Variants in HMBOX1 observed in about 807,000 individuals in gnomAD.
HMBOX1 encodes the protein homeobox containing 1, also known as homeobox-containing protein 1.
HMBOX1 carries 14 observed loss-of-function variants against 54.5 expected under a neutral mutation model. The ratio of observed to expected loss-of-function variants is 0.26; its 90% CI spans 0.17 to 0.40. The LOEUF is 0.40. Among genes scored for constraint, HMBOX1 ranks in the 10% least tolerant of loss-of-function variants. HMBOX1 has a pLI of 1.00. For missense variants in HMBOX1, 332 were observed against 514.4 expected, an observed-to-expected ratio of 0.65 and a Z score of 3.43; for synonymous variants, 160 against 181.0, an observed-to-expected ratio of 0.88 and a Z score of 0.93.
chr8:29,000,623 G>C (rs1388641885), intron 4 of HMBOX1, among the ~76,000 whole-genome samples: 2 of 152,246 alleles, frequency 1.3e-5, no homozygotes, highest in Admixed American at 1.3e-4. Flanking sequence ...TTCACACTGA[G>C]TGAGATCTTG....
intron 1 of HMBOX1, among the ~76,000 whole-genome samples, chr8:28,948,513 C>A (rs972153283): frequency 1.3e-5 from 2 of 152,166 alleles, no homozygotes; most frequent in South Asian, 2.1e-4. Context: ...TACAGGAAAT[C>A]CTTGTCTATG....
intron 2 of HMBOX1, among the ~76,000 whole-genome samples, chr8:28,964,125 C>T (rs1826062613): frequency 6.6e-6 from 1 of 151,986 alleles, no homozygotes; most frequent in South Asian, 2.1e-4. Context: ...CTGTTTTCAA[C>T]TTTGAATTTT....
At chr8:28,983,424 A>G (rs1464237316) in intron 4 of HMBOX1, among the ~76,000 whole-genome samples, 1 of 152,134 alleles carries the variant, frequency 6.6e-6, no homozygotes, top group Non-Finnish European at 1.5e-5. Flanking sequence ...TCTCAGCCTT[A>G]TGAATTTCTG....
At chr8:28,923,113 G>C (rs546062448) in intron 1 of HMBOX1, among the ~76,000 whole-genome samples, 2 of 152,212 alleles carry the variant, frequency 1.3e-5, no homozygotes, top group South Asian at 4.1e-4. Context: ...CCACTGTCTG[G>C]TTCAGAAGTT....
At chr8:28,936,059 T>A (rs944978128) in intron 1 of HMBOX1, among the ~76,000 whole-genome samples, 2 of 152,140 alleles carry the variant, frequency 1.3e-5, no homozygotes, top group African/African-American at 2.4e-5. Flanking sequence ...ATCATCACCA[T>A]TGTTATTATA....
At chr8:28,899,150 A>G (rs1812724590) in intron 1 of HMBOX1, among the ~76,000 whole-genome samples, 2 of 152,230 alleles carry the variant, frequency 1.3e-5, no homozygotes, top group South Asian at 2.1e-4. Context: ...AAGTAGGACT[A>G]TAAGAACTAG....
intron 4 of HMBOX1, among the ~76,000 whole-genome samples, chr8:28,985,165 CAACTG>C (rs1247050856): frequency 6.6e-6 from 1 of 152,164 alleles, no homozygotes; most frequent in Non-Finnish European, 1.5e-5. Context: ...GGCTTATAAA[CAACTG>C]AAATTTATTT....
chr8:28,945,784 G>A (rs1193504292), intron 1 of HMBOX1, among the ~76,000 whole-genome samples: 1 of 151,374 alleles, frequency 6.6e-6, no homozygotes, highest in African/African-American at 2.4e-5. Flanking sequence ...ATTATTCTCT[G>A]CCTTTCATGG....
chr8:28,994,258 A>G (rs1447497952), intron 4 of HMBOX1, among the ~76,000 whole-genome samples: 1 of 152,098 alleles, frequency 6.6e-6, no homozygotes, highest in Non-Finnish European at 1.5e-5. Context: ...AGGTTAGAGT[A>G]AGTAAAACAG....
chr8:29,002,756 T>C (rs926912758), intron 4 of HMBOX1, among the ~76,000 whole-genome samples: 3 of 152,338 alleles, frequency 2.0e-5, no homozygotes, highest in Non-Finnish European at 4.4e-5. Flanking sequence ...TTTAAATATA[T>C]TTTAAAATTC....
At chr8:28,961,786 C>T (rs977787819) in intron 1 of HMBOX1, among the ~76,000 whole-genome samples, 5 of 151,978 alleles carry the variant, frequency 3.3e-5, no homozygotes, top group Admixed American at 1.3e-4. Context: ...CACCATTTTG[C>T]ATTTCAGCCA....
At chr8:28,961,511 A>C (rs185727684) in intron 1 of HMBOX1, among the ~76,000 whole-genome samples, 1 of 152,138 alleles carries the variant, frequency 6.6e-6, no homozygotes, top group African/African-American at 2.4e-5. Context: ...TTCAAGTTTC[A>C]TTCATGTTTT....
chr8:28,905,054 G>A (rs1488968265), intron 1 of HMBOX1, among the ~76,000 whole-genome samples: 1 of 152,108 alleles, frequency 6.6e-6, no homozygotes, highest in Non-Finnish European at 1.5e-5. Context: ...AAACAGTAAG[G>A]GAATAAACCA....
At chr8:28,949,237 G>A (rs890987067) in intron 1 of HMBOX1, among the ~76,000 whole-genome samples, 2 of 152,176 alleles carry the variant, frequency 1.3e-5, no homozygotes, top group African/African-American at 2.4e-5. Context: ...CTGGAGAGCT[G>A]TCATGGGCTA....
chr8:29,048,937 A>G lies in HMBOX1; in HGVS notation c.1031-17A>G, dbSNP rs376300982. On this transcript the variant is annotated splice_polypyrimidine_tract_variant and intron_variant, in intron 8 of 9. Coordinates refer to ENST00000287701, the MANE Select transcript of HMBOX1 (RefSeq NM_001135726.3). ...AAGGTAACAGATAATTTAGGGATCT[A>G]TTTGCTTTTTTCGAAGAAGCAGCAA... 7.7e-6 allele frequency: 12 copies of G among 1,562,262 alleles called. No individual in the cohort carries two copies. In the African/African-American group the frequency reaches 1.2e-4, roughly 16 times the overall value.
chr8:28,940,403 C>T (rs1346138733), intron 1 of HMBOX1, among the ~76,000 whole-genome samples: 2 of 152,176 alleles, frequency 1.3e-5, no homozygotes, highest in Non-Finnish European at 2.9e-5. Context: ...TCAACTCTCC[C>T]ACATTATATG....
chr8:28,910,471 T>A (rs1815204591), intron 1 of HMBOX1, among the ~76,000 whole-genome samples: 1 of 152,230 alleles, frequency 6.6e-6, no homozygotes, highest in Admixed American at 6.5e-5. Flanking sequence ...TTTAGCTTTT[T>A]AAGAAACTGC....
intron 2 of HMBOX1, among the ~76,000 whole-genome samples, chr8:28,964,094 A>G (rs1418379447): frequency 1.3e-5 from 2 of 152,220 alleles, no homozygotes; most frequent in Non-Finnish European, 1.5e-5. Context: ...TTTTAAATCT[A>G]TCAGCCTTCT....
chr8:28,943,331 A>T (rs1351464130), intron 1 of HMBOX1, among the ~76,000 whole-genome samples: 1 of 152,234 alleles, frequency 6.6e-6, no homozygotes, highest in Non-Finnish European at 1.5e-5. Context: ...TACTGAGTGG[A>T]CAAAGAGTAG....
Sources: gnomAD v4.1 joint callset for allele counts (sites outside exome capture counted in the v4.1 genomes callset) on GRCh38, gnomAD v4.1.1 for gene constraint, MANE v1.5 for transcripts, NCBI Gene and HGNC (gene_info 2026-07-23, HGNC 2026-07-21) for gene names.